Variants in NUP98 observed in about 807,000 individuals in gnomAD.
The protein encoded by NUP98 is nucleoporin 98 and 96 precursor.
A neutral mutation model predicts 191.9 loss-of-function variants in NUP98; 26 were observed. That is an observed-to-expected ratio of 0.14 (90% CI 0.10 to 0.19). NUP98 has a LOEUF of 0.19. Ranked by LOEUF, NUP98 falls within the 10% of genes least tolerant of loss-of-function variation. The pLI, the probability that NUP98 is intolerant of heterozygous loss-of-function variation, is 1.00. For missense variants in NUP98, 1,941 were observed against 2,178.8 expected, an observed-to-expected ratio of 0.89 and a Z score of 2.17; for synonymous variants, 808 against 778.4, an observed-to-expected ratio of 1.04 and a Z score of -0.63.
intron 26 of NUP98, among the ~76,000 whole-genome samples, chr11:3,693,983 C>A (rs1397812839): frequency 1.3e-5 from 2 of 151,906 alleles, no homozygotes; most frequent in Non-Finnish European, 2.9e-5. Context: ...GTAATCCCAG[C>A]ACTTTGGGAG....
chr11:3,770,373 G>T (rs2081486808), intron 7 of NUP98, among the ~76,000 whole-genome samples: 1 of 151,870 alleles, frequency 6.6e-6, no homozygotes, highest in Non-Finnish European at 1.5e-5. Flanking sequence ...TGCCTGTAGG[G>T]TGGCTGAGGT....
chr11:3,688,629 T>C, intron 28 of NUP98, among the ~76,000 whole-genome samples: 1 of 150,146 alleles, frequency 6.7e-6, no homozygotes, highest in Non-Finnish European at 1.5e-5. Flanking sequence ...ACCCCATTTC[T>C]ACTAAAAATA....
intron 14 of NUP98, among the ~76,000 whole-genome samples, chr11:3,730,243 A>G (rs2079792859): frequency 2.6e-5 from 4 of 152,184 alleles, no homozygotes; most frequent in Admixed American, 2.6e-4. Context: ...AAAAATAAAT[A>G]AATAAAATGC....
At chr11:3,751,187 C>G (rs1306526826) in intron 11 of NUP98, among the ~76,000 whole-genome samples, 1 of 151,990 alleles carries the variant, frequency 6.6e-6, no homozygotes, top group Non-Finnish European at 1.5e-5. Context: ...GGAGAAACCC[C>G]GTCTCTCCTA....
intron 22 of NUP98, among the ~76,000 whole-genome samples, chr11:3,703,592 TG>T (rs2078774464): frequency 6.6e-6 from 1 of 152,126 alleles, no homozygotes; most frequent in Non-Finnish European, 1.5e-5. Context: ...ATAAGTGACT[TG>T]TCCAAATCTA....
At chr11:3,767,051 G>C (rs1199049378) in intron 8 of NUP98, among the ~76,000 whole-genome samples, 1 of 152,116 alleles carries the variant, frequency 6.6e-6, no homozygotes, top group African/African-American at 2.4e-5. Context: ...CGCAACTTCT[G>C]CCTCCTGGGT....
chr11:3,770,588 TAGA>T (rs2133901802), intron 7 of NUP98, among the ~76,000 whole-genome samples: 1 of 152,204 alleles, frequency 6.6e-6, no homozygotes, highest in South Asian at 2.1e-4. Flanking sequence ...TACATCTCTT[TAGA>T]AGGCTATGAA....
intron 26 of NUP98, among the ~76,000 whole-genome samples, chr11:3,693,856 A>G (rs1383782585): frequency 6.6e-6 from 1 of 152,230 alleles, no homozygotes; most frequent in Non-Finnish European, 1.5e-5. Context: ...TAATAATATA[A>G]GAGGTAGGCA....
In NUP98 at chr11:3,696,151, A is replaced by G. The variant is rs540811807; in HGVS notation, c.4010-545T>C. Reference sequence around the variant, plus strand: ...GGTTGCAGTGAGCCAAGATCGCACCATTGCACTCCAGCCTGGGCAACAAGA... The same window carrying G: ...GGTTGCAGTGAGCCAAGATCGCACCGTTGCACTCCAGCCTGGGCAACAAGA... On this transcript the variant is annotated intron_variant, in intron 25 of 32. Coordinates refer to ENST00000324932, the MANE Select transcript of NUP98 (RefSeq NM_016320.5). 2.0e-5 allele frequency among the ~76,000 whole-genome samples: 3 copies of G among 152,230 alleles called. No homozygotes were observed. The South Asian group carries it at 6.2e-4, about 32-fold the overall frequency.
intron 1 of NUP98, among the ~76,000 whole-genome samples, chr11:3,796,806 CTT>C (rs2082628452): frequency 6.6e-6 from 1 of 152,188 alleles, no homozygotes; most frequent in East Asian, 1.9e-4. Flanking sequence ...TTCTAAAGTC[CTT>C]ATGGCTATAG....
intron 20 of NUP98, 195 bp downstream of exon 20, chr11:3,712,369 T>C: frequency 7.2e-7 from 1 of 1,390,630 alleles, no homozygotes; most frequent in Non-Finnish European, 9.3e-7. Context: ...AAGAGAATTC[T>C]TTAAATCTCT....
intron 9 of NUP98, among the ~76,000 whole-genome samples, chr11:3,761,795 A>G (rs1187300063): frequency 1.3e-5 from 2 of 150,732 alleles, no homozygotes; most frequent in Non-Finnish European, 3.0e-5. Context: ...AAACAAAACA[A>G]AAGCCTGGCA....
chr11:3,794,496 ATTTTT>A (rs922569123), intron 1 of NUP98, among the ~76,000 whole-genome samples: 7 of 150,432 alleles, frequency 4.7e-5, no homozygotes, highest in African/African-American at 1.7e-4. Context: ...AATTTTTCAT[ATTTTT>A]TTTTAAGTAC....
chr11:3,697,657 A>G (rs1564816070), intron 25 of NUP98, among the ~76,000 whole-genome samples: 1 of 151,962 alleles, frequency 6.6e-6, no homozygotes, highest in Non-Finnish European at 1.5e-5. Flanking sequence ...AAAAATAAAA[A>G]AAAAGACAAC....
intron 25 of NUP98, chr11:3,697,065 GATCA>G (rs1457170998): frequency 6.6e-6 from 1 of 151,938 alleles, no homozygotes; most frequent in African/African-American, 2.4e-5. Context: ...GTTCATACAA[GATCA>G]ATCCCAAAGA....
At chr11:3,778,218 A>G (rs1402344619) in intron 4 of NUP98, among the ~76,000 whole-genome samples, 2 of 150,636 alleles carry the variant, frequency 1.3e-5, no homozygotes, top group East Asian at 3.9e-4. Context: ...AAAAAAAAAA[A>G]AAGAAAGAAA....
intron 18 of NUP98, 75 bp from the exon 19 acceptor site, chr11:3,714,070 C>T: frequency 7.3e-7 from 1 of 1,368,424 alleles, no homozygotes; most frequent in Non-Finnish European, 1.0e-6. Flanking sequence ...AGCCACCTAA[C>T]ACATAAATAG....
At chr11:3,709,269 G>A (rs914075109) in intron 20 of NUP98, among the ~76,000 whole-genome samples, 2 of 152,136 alleles carry the variant, frequency 1.3e-5, no homozygotes, top group African/African-American at 2.4e-5. Flanking sequence ...TTGGCTGGAC[G>A]TGGTGGCTTA....
At chr11:3,787,411 C>T (rs1348842025) in intron 1 of NUP98, among the ~76,000 whole-genome samples, 7 of 151,908 alleles carry the variant, frequency 4.6e-5, no homozygotes, top group Non-Finnish European at 7.4e-5. Flanking sequence ...GTGAAACCCC[C>T]GTCTCTAATA....
Sources: allele counts gnomAD v4.1 joint callset (sites outside exome capture counted in the v4.1 genomes callset), GRCh38; gene constraint gnomAD v4.1.1; transcripts MANE v1.5; gene names NCBI Gene and HGNC (gene_info 2026-07-23, HGNC 2026-07-21).